Variants in TRRAP observed in about 807,000 individuals in gnomAD.
The protein encoded by TRRAP is transformation/transcription domain associated protein, also known as transformation/transcription domain-associated protein.
In TRRAP, 41 loss-of-function variants were observed where a neutral mutation model predicts 438.8. The ratio of observed to expected loss-of-function variants is 0.09; its 90% CI spans 0.07 to 0.12. The LOEUF (loss-of-function observed/expected upper bound fraction) is 0.12, where lower values mean the gene tolerates loss of function less well. TRRAP is among the 10% of genes least tolerant of loss of function. The pLI is 1.00. For missense variants in TRRAP, 3,122 were observed against 5,055.1 expected (o/e 0.62, Z 11.60); for synonymous variants, 1,994 against 1,962.9 (o/e 1.02, Z -0.42).
In TRRAP at chr7:98,959,435, T is replaced by C. The variant is rs756357783; in HGVS notation, c.6434T>C (p.Met2145Thr). Residue 2145 changes from methionine to threonine, a missense_variant, in exon 45 of 73, where the codon ATG (methionine) becomes ACG (threonine). This residue lies in a region of TRRAP where 992 missense variants were observed against 1,281.2 expected (regional missense o/e 0.77). Transcript: ENST00000456197. ...NLLKTALRPDMWPKSELKLQW... is the reference protein window; with the variant it reads ...NLLKTALRPDTWPKSELKLQW... ...CTGAAGACTGCGTTGCGGCCAGACA[T>C]GTGGCCCAAGTCCGAACTCAAGCTG... 1.2e-6 allele frequency: 2 copies of C among 1,613,866 alleles called. No homozygotes were observed. The highest frequency in any genetic ancestry group is 1.7e-6 in the Non-Finnish European group (2 of 1,179,982).
intron 30 of TRRAP, 69 bp downstream of exon 30, chr7:98,937,889 A>G: frequency 6.8e-7 from 1 of 1,465,482 alleles, no homozygotes; most frequent in Non-Finnish European, 9.0e-7. Flanking sequence ...AAAATAAATA[A>G]TGCAGCTGGG....
At position 98,910,616 on chromosome 7, in the gene TRRAP, G is replaced by A. The variant is rs955228570; in HGVS notation, c.1812+9G>A. 10 of 1,606,000 alleles carry A rather than the reference G, an allele frequency of 6.2e-6. No homozygotes were observed. Among genetic ancestry groups the A allele is most frequent in the South Asian group, 1.1e-5 (1 of 89,656 alleles). Reference sequence around the variant, plus strand: ...CTTTAGATATTTATCAGGTAAGGAAGTGCCCTCCAGCCAGGCTTTCGCATA... The same window carrying A: ...CTTTAGATATTTATCAGGTAAGGAAATGCCCTCCAGCCAGGCTTTCGCATA... On this transcript the variant is annotated intron_variant, in intron 16 of 72. Coordinates refer to ENST00000456197, the MANE Select transcript of TRRAP (RefSeq NM_001375524.1).
intron 67 of TRRAP, among the ~76,000 whole-genome samples, chr7:99,001,719 A>T (rs1341681052): frequency 6.6e-6 from 1 of 152,066 alleles, no homozygotes; most frequent in Non-Finnish European, 1.5e-5. Flanking sequence ...ATGCAGTCCG[A>T]TTCTCTAGCA....
chr7:98,953,537 A>G, intron 40 of TRRAP, 104 bp downstream of exon 40: 1 of 1,462,680 alleles, frequency 6.8e-7, no homozygotes, highest in South Asian at 1.3e-5. Context: ...TTCTCCCAAA[A>G]CCAATAAAAA....
At chr7:98,904,029 C>T (rs1303561669) in intron 12 of TRRAP, among the ~76,000 whole-genome samples, 5 of 152,024 alleles carry the variant, frequency 3.3e-5, no homozygotes, top group African/African-American at 7.2e-5. Flanking sequence ...AGGCTGGTCT[C>T]GAACTCCTGA....
chr7:98,942,357 G>C (rs1554415855), intron 30 of TRRAP, among the ~76,000 whole-genome samples: 2 of 152,210 alleles, frequency 1.3e-5, no homozygotes, highest in Admixed American at 6.5e-5. Flanking sequence ...CGTTCCTTCT[G>C]TGCTGTCAGG....
intron 63 of TRRAP, among the ~76,000 whole-genome samples, chr7:98,989,286 G>A (rs949124359): frequency 3.3e-5 from 5 of 152,198 alleles, no homozygotes; most frequent in South Asian, 2.1e-4. Flanking sequence ...CCTCCTAGAC[G>A]CCCGTTAGGT....
At chr7:98,983,588 T>A in intron 60 of TRRAP, 129 bp downstream of exon 60, 1 of 1,044,380 alleles carries the variant, frequency 9.6e-7, no homozygotes, top group East Asian at 2.6e-5. Flanking sequence ...TATTTTGGGG[T>A]AGGGAATGAC....
At chr7:98,973,814 C>T (rs1291026760) in intron 53 of TRRAP, among the ~76,000 whole-genome samples, 2 of 152,204 alleles carry the variant, frequency 1.3e-5, no homozygotes, top group Non-Finnish European at 2.9e-5. Flanking sequence ...CACCATCACC[C>T]CTGAGCCTGG....
At position 98,961,351 on chromosome 7, in the gene TRRAP, C is replaced by A; in HGVS notation, c.6580C>A (p.Leu2194Ile). ...AACTGTCCTCCAGTCCCCAGCCATC[C>A]TCAGTAGCTTCAAACCTCTGCAGCG... ...LLTVLQSPAI[L>I]SSFKPLQRGI... The change falls in exon 46 of 73, where the codon CTC becomes ATC. Residue 2194 changes from leucine to isoleucine, a missense_variant. Coordinates refer to ENST00000456197, the MANE Select transcript of TRRAP (RefSeq NM_001375524.1). 1.2e-6 allele frequency: 2 copies of A among 1,614,234 alleles called. No individual in the cohort carries two copies. Among genetic ancestry groups the A allele is most frequent in the East Asian group, 4.5e-5 (2 of 44,886 alleles).
chr7:98,966,222 C>T (rs1484431214), intron 49 of TRRAP, among the ~76,000 whole-genome samples: 1 of 151,704 alleles, frequency 6.6e-6, no homozygotes, highest in Non-Finnish European at 1.5e-5. Context: ...AGGAGAATGG[C>T]GTGAACCCAG....
Position 98,908,640 on chromosome 7 carries a change from C to A in TRRAP, c.1116-88C>A. On this transcript the variant is annotated intron_variant, in intron 13 of 72. Transcript: ENST00000456197. This position sits in a 1 kb window ranked among gnomAD's most constrained non-coding sequence, Gnocchi z 4.1. ...AGTGTGCCGACCCAGGGGTGGTGTT[C>A]CTGGGGCAGATGGTGATATCCTTGG... 8.1e-7 allele frequency: 1 copy of A among 1,235,772 alleles called. No homozygotes were observed. The highest frequency in any genetic ancestry group is 1.1e-6 in the Non-Finnish European group (1 of 883,646). The allele number at this position is 1,235,772 out of a possible 1,614,324, so 76.6% of individuals were successfully genotyped here.
intron 58 of TRRAP, among the ~76,000 whole-genome samples, chr7:98,980,159 G>A (rs1792848348): frequency 1.3e-5 from 2 of 152,188 alleles, no homozygotes; most frequent in Non-Finnish European, 2.9e-5. Context: ...CCATGAATGT[G>A]CTTTGGAAGA....
intron 67 of TRRAP, among the ~76,000 whole-genome samples, chr7:99,001,581 A>G (rs1490296856): frequency 6.6e-6 from 1 of 152,192 alleles, no homozygotes; most frequent in Non-Finnish European, 1.5e-5. Context: ...AAAAGTCAGC[A>G]TGAGGCTCCT....
In TRRAP at chr7:98,899,504, G is replaced by A; in HGVS notation, c.711+5G>A. On this transcript the variant is annotated splice_donor_5th_base_variant and intron_variant, in intron 9 of 72. Transcript: ENST00000456197. ...ATTGTTGTTTTAATGTATCAGGTATGTGTATTGCTCATTAGTCTCTTGGGT... is the reference window on the plus strand; with the variant it reads ...ATTGTTGTTTTAATGTATCAGGTATATGTATTGCTCATTAGTCTCTTGGGT... 1 of 1,614,086 alleles carries A rather than the reference G, an allele frequency of 6.2e-7. No homozygotes were observed. Among genetic ancestry groups the A allele is most frequent in the Non-Finnish European group, 8.5e-7 (1 of 1,179,950 alleles).
At chr7:98,983,490 C>A in intron 60 of TRRAP, 31 bp downstream of exon 60, 1 of 1,612,590 alleles carries the variant, frequency 6.2e-7, no homozygotes, top group South Asian at 1.1e-5. Context: ...ATGCATTCAT[C>A]ATGTAATTTT....
chr7:98,942,710 T>C (rs941358664), intron 30 of TRRAP, among the ~76,000 whole-genome samples: 3 of 152,192 alleles, frequency 2.0e-5, no homozygotes, highest in Non-Finnish European at 2.9e-5. Flanking sequence ...GGGCATGGTA[T>C]TGGAACACCC....
At chr7:98,923,049 A>G (rs1584316131) in intron 21 of TRRAP, among the ~76,000 whole-genome samples, 1 of 150,496 alleles carries the variant, frequency 6.6e-6, no homozygotes. Flanking sequence ...GCCCTCCCCA[A>G]CTCCTGCCTT....
intron 26 of TRRAP, 59 bp downstream of exon 26, chr7:98,931,724 T>G: frequency 6.3e-7 from 1 of 1,578,476 alleles, no homozygotes; most frequent in Non-Finnish European, 8.6e-7. Flanking sequence ...GCCTTTTTTT[T>G]AAATTTGAGT....
Sources: allele counts gnomAD v4.1 joint callset (sites outside exome capture counted in the v4.1 genomes callset), GRCh38; gene constraint gnomAD v4.1.1; regional missense constraint gnomAD v4.1.1; non-coding constraint Gnocchi (gnomAD v3.1); transcripts MANE v1.5; gene names NCBI Gene and HGNC (gene_info 2026-07-23, HGNC 2026-07-21).